SMAD3: variants seen among roughly 807,000 people sequenced by gnomAD.
SMAD3 encodes the protein MAD homolog 3.
Under a neutral mutation model 51.8 loss-of-function variants are expected in SMAD3, and 12 were observed. That is an observed-to-expected ratio of 0.23 (90% CI 0.15 to 0.38). The LOEUF (loss-of-function observed/expected upper bound fraction) is 0.38. Among genes scored for constraint, SMAD3 ranks in the 10% least tolerant of loss-of-function variants. The probability of loss-of-function intolerance (pLI) is 1.00; values close to 1 mark genes in which losing one functional copy is unlikely to be tolerated. For synonymous variants in SMAD3, 238 were observed against 227.7 expected (o/e 1.05, Z -0.41); for missense variants, 294 against 565.6 (o/e 0.52, Z 4.87).
At chr15:67,109,037 C>T (rs1490765894) in intron 1 of SMAD3, among the ~76,000 whole-genome samples, 9 of 152,148 alleles carry the variant, frequency 5.9e-5, no homozygotes, top group East Asian at 3.9e-4. Flanking sequence ...TTGACGAAGA[C>T]CAGTTATTAT....
At chr15:67,130,371 G>A (rs992362865) in intron 1 of SMAD3, among the ~76,000 whole-genome samples, 6 of 152,332 alleles carry the variant, frequency 3.9e-5, no homozygotes, top group African/African-American at 7.2e-5. Flanking sequence ...ACCCGTGTGC[G>A]GCCTGTTAGG....
At chr15:67,175,169 T>G (rs12913547) in intron 5 of SMAD3, among the ~76,000 whole-genome samples, 1 of 152,056 alleles carries the variant, frequency 6.6e-6, no homozygotes, top group East Asian at 1.9e-4. Flanking sequence ...GGCTTCTGCC[T>G]GGTGAGTAAG....
intron 1 of SMAD3, among the ~76,000 whole-genome samples, chr15:67,144,101 G>A (rs1400392937): frequency 4.0e-5 from 6 of 151,518 alleles, no homozygotes; most frequent in Non-Finnish European, 8.8e-5. Flanking sequence ...TAATGAACAT[G>A]TCCATCACTC....
rs886051373 is a variant in SMAD3, at chr15:67,065,890, T to G, written c.-265T>G. ...CGCCTCCGCCCCGCGTTCGGGGCCTTCCCGACCCTGCACTGCTGCCGTCCG... is the reference window on the plus strand; with the variant it reads ...CGCCTCCGCCCCGCGTTCGGGGCCTGCCCGACCCTGCACTGCTGCCGTCCG... On this transcript the variant is annotated 5_prime_UTR_variant, in exon 1 of 9. Coordinates refer to ENST00000327367, the MANE Select transcript of SMAD3 (RefSeq NM_005902.4). 2.3e-4 allele frequency: 49 copies of G among 216,020 alleles called. No homozygotes were observed. Among genetic ancestry groups the G allele is most frequent in the Non-Finnish European group, 3.9e-4 (42 of 107,720 alleles). 13.4% of individuals were successfully genotyped at this position (216,020 alleles called of 1,614,324 possible).
Position 67,192,280 on chromosome 15 carries a change from C to G in SMAD3, c.*1744C>G. 4.3e-6 allele frequency: 1 copy of G among 233,046 alleles called. No individual in the cohort carries two copies. 14.4% of individuals were successfully genotyped at this position (233,046 alleles called of 1,614,324 possible). On this transcript the variant is annotated 3_prime_UTR_variant, in exon 9 of 9. Coordinates refer to ENST00000327367, the MANE Select transcript of SMAD3 (RefSeq NM_005902.4). ...CTAGCCATGAGGTTTCCAGGTAGGACAGCTGCTCCCCAAGCCTCCTGAGGA... is the reference window on the plus strand; with the variant it reads ...CTAGCCATGAGGTTTCCAGGTAGGAGAGCTGCTCCCCAAGCCTCCTGAGGA...
intron 1 of SMAD3, among the ~76,000 whole-genome samples, chr15:67,131,778 G>T (rs1961532103): frequency 3.3e-5 from 5 of 152,126 alleles, no homozygotes; most frequent in Admixed American, 3.3e-4. Context: ...GCCTTACCTG[G>T]TCTTCAGTTT....
At chr15:67,081,764 A>T (rs1960284297) in intron 1 of SMAD3, among the ~76,000 whole-genome samples, 1 of 152,026 alleles carries the variant, frequency 6.6e-6, no homozygotes, top group African/African-American at 2.4e-5. Context: ...TTAGGAAGAA[A>T]ACCTTCCCCG....
chr15:67,174,159 TCA>T (rs1311227472), intron 5 of SMAD3: 1 of 152,374 alleles, frequency 6.6e-6, no homozygotes, highest in East Asian at 1.9e-4. Flanking sequence ...CAGGAGGGAC[TCA>T]CATGGCCACG....
chr15:67,065,981 C>G lies in SMAD3; in HGVS notation c.-174C>G, dbSNP rs1959903596. On this transcript the variant is annotated 5_prime_UTR_variant, in exon 1 of 9. Transcript: ENST00000327367. ...GGGCGCAGGGCCGCGCGCCGAGCCC[C>G]GCAGGCTGCAGCGCCGCGGCCCGGC... The G allele has an allele frequency of 1.7e-5, 4 of 229,816 alleles. No individual in the cohort carries two copies. 14.2% of individuals were successfully genotyped at this position (229,816 alleles called of 1,614,324 possible). A position where few individuals can be genotyped will look rare whatever the true frequency, so the allele number is the denominator to read the frequency against.
intron 1 of SMAD3, among the ~76,000 whole-genome samples, chr15:67,139,811 C>A (rs1566981283): frequency 6.6e-6 from 1 of 152,192 alleles, no homozygotes; most frequent in Non-Finnish European, 1.5e-5. Flanking sequence ...TGGGTGGAAG[C>A]TGTGCTTGGA....
intron 7 of SMAD3, chr15:67,187,007 C>T (rs2140322799): frequency 2.1e-6 from 1 of 474,318 alleles, no homozygotes; most frequent in East Asian, 6.2e-5. Context: ...GTCCCCTGGT[C>T]CCTTTGCCCA....
chr15:67,187,719 C>T (rs1291152078), intron 8 of SMAD3, among the ~76,000 whole-genome samples: 1 of 152,176 alleles, frequency 6.6e-6, no homozygotes, highest in Non-Finnish European at 1.5e-5. Context: ...TTGCTGGCAC[C>T]GAACAGCTGT....
intron 1 of SMAD3, among the ~76,000 whole-genome samples, chr15:67,151,023 T>A (rs984634316): frequency 6.7e-6 from 1 of 150,194 alleles, no homozygotes; most frequent in Non-Finnish European, 1.5e-5. Flanking sequence ...GCCTGGCTAA[T>A]TTTTTTGTAT....
intron 1 of SMAD3, among the ~76,000 whole-genome samples, chr15:67,094,983 T>C (rs1162495770): frequency 6.6e-6 from 1 of 152,198 alleles, no homozygotes; most frequent in African/African-American, 2.4e-5. Flanking sequence ...TCCCTGAGCC[T>C]CAGTTTCTCC....
intron 1 of SMAD3, among the ~76,000 whole-genome samples, chr15:67,109,861 G>A (rs185029814): frequency 5.9e-5 from 9 of 152,286 alleles, no homozygotes; most frequent in African/African-American, 1.7e-4. Flanking sequence ...CTGGTGGAGC[G>A]TGCCAGCCCG....
intron 1 of SMAD3, among the ~76,000 whole-genome samples, chr15:67,090,459 C>T (rs999197043): frequency 5.3e-5 from 8 of 152,078 alleles, no homozygotes; most frequent in African/African-American, 1.7e-4. Context: ...TCATTGACAG[C>T]TGGGGGAAAC....
intron 1 of SMAD3, among the ~76,000 whole-genome samples, chr15:67,123,145 C>T (rs912797879): frequency 6.8e-6 from 1 of 147,634 alleles, no homozygotes; most frequent in African/African-American, 2.5e-5. Context: ...GCAGTGAACT[C>T]GCCACTGTAC....
intron 1 of SMAD3, among the ~76,000 whole-genome samples, chr15:67,137,519 T>C (rs937887426): frequency 6.6e-6 from 1 of 152,194 alleles, no homozygotes; most frequent in Non-Finnish European, 1.5e-5. Flanking sequence ...CATATCTGAG[T>C]TGTTGGATTC....
At chr15:67,137,691 A>G (rs1348944594) in intron 1 of SMAD3, among the ~76,000 whole-genome samples, 1 of 152,130 alleles carries the variant, frequency 6.6e-6, no homozygotes, top group African/African-American at 2.4e-5. Flanking sequence ...TTTTCAACAA[A>G]TGTTTTTGGT....
Sources: allele counts gnomAD v4.1 joint callset (sites outside exome capture counted in the v4.1 genomes callset), GRCh38; gene constraint gnomAD v4.1.1; transcripts MANE v1.5; gene names NCBI Gene and HGNC (gene_info 2026-07-23, HGNC 2026-07-21).